Variants in IQSEC1 observed in about 807,000 individuals in gnomAD.
The protein encoded by IQSEC1 is IQ motif and Sec7 domain ArfGEF 1.
In IQSEC1, 31 loss-of-function variants were observed where a neutral mutation model predicts 91.0. That is an observed-to-expected ratio of 0.34 (90% CI 0.26 to 0.46). The LOEUF (loss-of-function observed/expected upper bound fraction) is 0.46, where lower values mean the gene tolerates loss of function less well. Ranked by LOEUF, IQSEC1 falls within the 20% of genes least tolerant of loss-of-function variation. The pLI, the probability that IQSEC1 is intolerant of heterozygous loss-of-function variation, is 1.00. For synonymous variants in IQSEC1, 699 were observed against 662.6 expected, an observed-to-expected ratio of 1.05 and a Z score of -0.84; for missense variants, 1,388 against 1,575.6, an observed-to-expected ratio of 0.88 and a Z score of 2.02.
chr3:12,936,964 G>A (rs1222936798), intron 2 of IQSEC1, among the ~76,000 whole-genome samples: 1 of 148,938 alleles, frequency 6.7e-6, no homozygotes, highest in Admixed American at 6.7e-5. Context: ...ACAGAATCTC[G>A]CTCTGTCACC....
chr3:13,099,632 G>A (rs573456821), intron 2 of IQSEC1, among the ~76,000 whole-genome samples: 11 of 152,192 alleles, frequency 7.2e-5, no homozygotes, highest in Admixed American at 3.3e-4. Flanking sequence ...CCTATTGCCC[G>A]GGGCTGGGGC....
chr3:13,104,358 G>A (rs1039021748), intron 2 of IQSEC1, among the ~76,000 whole-genome samples: 1 of 152,144 alleles, frequency 6.6e-6, no homozygotes, highest in Non-Finnish European at 1.5e-5. Context: ...CTCCCAGTGA[G>A]TACACTGCTG....
chr3:12,958,199 G>C (rs1255929014), intron 1 of IQSEC1, among the ~76,000 whole-genome samples: 2 of 152,220 alleles, frequency 1.3e-5, no homozygotes, highest in African/African-American at 2.4e-5. Context: ...GCAGCTGCCA[G>C]GCCCCACAGC....
At chr3:13,024,606 A>T (rs1384470359) in intron 1 of IQSEC1, among the ~76,000 whole-genome samples, 3 of 148,644 alleles carry the variant, frequency 2.0e-5, no homozygotes, top group Admixed American at 2.0e-4. Flanking sequence ...CCATCCATCC[A>T]TCCACCCATC....
At chr3:13,251,999 C>A (rs1695200726) in intron 1 of IQSEC1, among the ~76,000 whole-genome samples, 1 of 152,166 alleles carries the variant, frequency 6.6e-6, no homozygotes, top group Non-Finnish European at 1.5e-5. Context: ...GCTCACTATG[C>A]CCCACATACT....
chr3:13,099,366 T>C (rs1306644349), intron 2 of IQSEC1, among the ~76,000 whole-genome samples: 1 of 152,222 alleles, frequency 6.6e-6, no homozygotes, highest in African/African-American at 2.4e-5. Flanking sequence ...TTGACAAATT[T>C]AAATCAGCAA....
chr3:13,041,763 T>C (rs536680829), intron 1 of IQSEC1, among the ~76,000 whole-genome samples: 1 of 152,138 alleles, frequency 6.6e-6, no homozygotes, highest in South Asian at 2.1e-4. Context: ...ATCCCTACAG[T>C]TGGGAAACAG....
intron 1 of IQSEC1, among the ~76,000 whole-genome samples, chr3:13,058,794 GAC>G (rs1293368231): frequency 2.3e-4 from 35 of 152,316 alleles, no homozygotes; most frequent in South Asian, 1.5e-3. Flanking sequence ...ATGCTGTCAC[GAC>G]ACACAGTGTT....
chr3:13,263,581 T>C (rs186602409), intron 1 of IQSEC1, among the ~76,000 whole-genome samples: 1 of 152,242 alleles, frequency 6.6e-6, no homozygotes, highest in Non-Finnish European at 1.5e-5. Context: ...TAGCTGGGAT[T>C]GCAGGCACGC....
intron 1 of IQSEC1, among the ~76,000 whole-genome samples, chr3:12,976,074 T>C (rs1701155460): frequency 6.6e-6 from 1 of 152,240 alleles, no homozygotes; most frequent in Non-Finnish European, 1.5e-5. Context: ...GTCTCTTAGG[T>C]TGCTGAAAAG....
At chr3:12,902,273 A>G (rs1037701983) in intron 13 of IQSEC1, among the ~76,000 whole-genome samples, 2 of 152,142 alleles carry the variant, frequency 1.3e-5, no homozygotes, top group Non-Finnish European at 2.9e-5. Flanking sequence ...AAGCAATTCC[A>G]TGGTGTCCTG....
chr3:13,104,058 AC>A (rs1706106751), intron 2 of IQSEC1, among the ~76,000 whole-genome samples: 1 of 152,026 alleles, frequency 6.6e-6, no homozygotes, highest in Non-Finnish European at 1.5e-5. Flanking sequence ...TGAGATTCGA[AC>A]CCAGGCCATC....
intron 1 of IQSEC1, among the ~76,000 whole-genome samples, chr3:13,239,004 C>T (rs1376253402): frequency 2.6e-5 from 4 of 152,314 alleles, no homozygotes; most frequent in African/African-American, 9.6e-5. Context: ...GCCCACCAGC[C>T]TTTCCTCATT....
intron 2 of IQSEC1, among the ~76,000 whole-genome samples, chr3:13,097,152 G>A (rs566184591): frequency 3.3e-5 from 5 of 152,232 alleles, no homozygotes; most frequent in South Asian, 2.1e-4. Context: ...GAGCCACCGC[G>A]CCCGGCCTAG....
At chr3:13,189,239 G>A (rs1693981187) in intron 1 of IQSEC1, among the ~76,000 whole-genome samples, 1 of 152,192 alleles carries the variant, frequency 6.6e-6, no homozygotes, top group Non-Finnish European at 1.5e-5. Flanking sequence ...CTCCCTCTGG[G>A]CTAAGGACCT....
intron 1 of IQSEC1, among the ~76,000 whole-genome samples, chr3:13,176,329 C>T (rs890921204): frequency 7.9e-5 from 12 of 152,198 alleles, no homozygotes; most frequent in South Asian, 6.2e-4. Flanking sequence ...TGAAGCCAGA[C>T]GGTTCGGGGG....
intron 1 of IQSEC1, among the ~76,000 whole-genome samples, chr3:13,250,901 C>T (rs1045934545): frequency 2.0e-5 from 3 of 152,210 alleles, no homozygotes; most frequent in African/African-American, 7.2e-5. Flanking sequence ...ACCCACATGC[C>T]TGAGTCCCTG....
intron 1 of IQSEC1, among the ~76,000 whole-genome samples, chr3:13,246,897 C>T (rs545568567): frequency 6.6e-5 from 10 of 152,314 alleles, no homozygotes; most frequent in African/African-American, 2.2e-4. Context: ...ACTCCCACCA[C>T]GAGCGAATGG....
At chr3:12,938,821 A>C (rs939427821) in intron 2 of IQSEC1, among the ~76,000 whole-genome samples, 2 of 152,066 alleles carry the variant, frequency 1.3e-5, no homozygotes. Flanking sequence ...CTCCTGCCCA[A>C]ACCTGTGTGT....
Sources: allele counts gnomAD v4.1 joint callset (sites outside exome capture counted in the v4.1 genomes callset), GRCh38; gene constraint gnomAD v4.1.1; transcripts MANE v1.5; gene names NCBI Gene and HGNC (gene_info 2026-07-23, HGNC 2026-07-21).